Variants in MICU1 observed in about 807,000 individuals in gnomAD.
MICU1 encodes the protein calcium uptake protein 1, mitochondrial.
In MICU1, 45 loss-of-function variants were observed where a neutral mutation model predicts 56.8. The observed-to-expected ratio is 0.79, with a 90% CI of 0.62 to 1.02. The LOEUF is 1.02. Ranked by LOEUF, MICU1 falls within the 50% of genes least tolerant of loss-of-function variation. The pLI, the probability that MICU1 is intolerant of heterozygous loss-of-function variation, is 0.00. For synonymous variants in MICU1, 186 were observed against 195.1 expected, an observed-to-expected ratio of 0.95 and a Z score of 0.39; for missense variants, 504 against 587.1, an observed-to-expected ratio of 0.86 and a Z score of 1.46.
chr10:72,600,648 C>CAAAA lies in MICU1; in HGVS notation c.-2+25358_-2+25361dup, dbSNP rs71021514. Among the ~76,000 whole-genome samples the CAAAA allele has an allele frequency of 2.5e-4, 26 of 105,598 alleles. 2 individuals carry two copies. The highest frequency in any genetic ancestry group is 9.2e-4 in the African/African-American group (26 of 28,218). 69.3% of individuals were successfully genotyped at this position (105,598 alleles called of 152,430 possible). A position where few individuals can be genotyped will look rare whatever the true frequency, so the allele number is the denominator to read the frequency against. ...TGGGTGACAGAGAGAGACTCCGTCT[C>CAAAA]AAAAAAAAAAAAAAAAAAGAAAAAG... On this transcript the variant is annotated intron_variant, in intron 1 of 11. Coordinates refer to ENST00000361114, the MANE Select transcript of MICU1 (RefSeq NM_001195518.2).
chr10:72,378,999 GAT>G lies in MICU1; in HGVS notation c.1181-3129_1181-3128del, dbSNP rs533178099. Among the ~76,000 whole-genome samples the G allele has an allele frequency of 5.4e-4, 82 of 152,294 alleles. 1 individual carries two copies. In the Middle Eastern group the frequency reaches 0.01, roughly 19 times the overall value. ...TTGGTACTAAAAGACTGAAGTATAA[GAT>G]ATTGTGGTGGATATTCATGAGATGT... On this transcript the variant is annotated intron_variant, in intron 10 of 11. Coordinates refer to ENST00000361114, the MANE Select transcript of MICU1 (RefSeq NM_001195518.2).
intron 8 of MICU1, among the ~76,000 whole-genome samples, chr10:72,441,810 G>T (rs1864945275): frequency 6.6e-6 from 1 of 151,726 alleles, no homozygotes; most frequent in Non-Finnish European, 1.5e-5. Context: ...TAGAGATGCG[G>T]TTTCACCATG....
At chr10:72,492,622 G>A (rs1464181859) in intron 6 of MICU1, among the ~76,000 whole-genome samples, 1 of 151,640 alleles carries the variant, frequency 6.6e-6, no homozygotes, top group African/African-American at 2.4e-5. Context: ...AATTAGCTGG[G>A]TGTGGTGGCA....
At chr10:72,588,976 A>G (rs569878302) in intron 1 of MICU1, among the ~76,000 whole-genome samples, 3 of 152,204 alleles carry the variant, frequency 2.0e-5, no homozygotes, top group Non-Finnish European at 1.5e-5. Context: ...CTTCATGTAT[A>G]AAAACAATAA....
Position 72,431,419 on chromosome 10 carries a change from C to T in MICU1, c.934-8048G>A, listed in dbSNP as rs78484884. ...TGCTGGGATAACAGGTGTAAGCCAT[C>T]GTGCCCAGCTTCTACCACTATTTAC... On this transcript the variant is annotated intron_variant, in intron 8 of 11. Transcript: ENST00000361114. Among the ~76,000 whole-genome samples the T allele has an allele frequency of 2.1e-3, 326 of 152,256 alleles. 1 individual carries two copies. Among genetic ancestry groups the T allele is most frequent in the African/African-American group, 6.9e-3 (286 of 41,544 alleles).
chr10:72,534,839 A>C (rs1839582705), intron 4 of MICU1, among the ~76,000 whole-genome samples: 1 of 152,026 alleles, frequency 6.6e-6, no homozygotes, highest in Admixed American at 6.6e-5. Flanking sequence ...ATAATTTAAG[A>C]CACAGAAAGA....
At chr10:72,526,852 A>G (rs1026517805) in intron 5 of MICU1, among the ~76,000 whole-genome samples, 3 of 151,790 alleles carry the variant, frequency 2.0e-5, no homozygotes, top group African/African-American at 4.8e-5. Flanking sequence ...TGTTTGCTCA[A>G]AAAAAAACCT....
chr10:72,499,352 T>C (rs1011992237), intron 6 of MICU1, among the ~76,000 whole-genome samples: 2 of 152,188 alleles, frequency 1.3e-5, no homozygotes, highest in Non-Finnish European at 2.9e-5. Context: ...ACATCATCTA[T>C]AAATAACTTG....
chr10:72,518,766 T>C (rs1203331338), intron 5 of MICU1, among the ~76,000 whole-genome samples: 1 of 152,110 alleles, frequency 6.6e-6, no homozygotes, highest in African/African-American at 2.4e-5. Context: ...CATGGCAAAC[T>C]GCCTCCTGGG....
At chr10:72,543,627 G>A (rs556556774) in intron 4 of MICU1, among the ~76,000 whole-genome samples, 1 of 152,158 alleles carries the variant, frequency 6.6e-6, no homozygotes, top group Admixed American at 6.5e-5. Context: ...AGGCTGAGGT[G>A]GGCAGATCAC....
At chr10:72,392,536 A>ACTTGG (rs1181574504) in intron 10 of MICU1, among the ~76,000 whole-genome samples, 5 of 152,114 alleles carry the variant, frequency 3.3e-5, no homozygotes, top group African/African-American at 1.2e-4. Context: ...GTACCACTGC[A>ACTTGG]CTCCAGTCTG....
At chr10:72,418,647 C>A (rs911695048) in intron 9 of MICU1, among the ~76,000 whole-genome samples, 5 of 152,314 alleles carry the variant, frequency 3.3e-5, no homozygotes, top group Non-Finnish European at 4.4e-5. Flanking sequence ...CCTTCAATCT[C>A]TTAGGTCTTG....
chr10:72,441,237 A>C (rs968136834), intron 8 of MICU1, among the ~76,000 whole-genome samples: 3 of 152,140 alleles, frequency 2.0e-5, no homozygotes, highest in African/African-American at 7.2e-5. Flanking sequence ...GGATGAGTTA[A>C]TGTCCTTTGC....
intron 9 of MICU1, among the ~76,000 whole-genome samples, chr10:72,420,990 G>A (rs1322776792): frequency 6.6e-5 from 7 of 105,878 alleles, no homozygotes; most frequent in African/African-American, 2.6e-4. Context: ...CAACAAGAGC[G>A]AAACTCCGTC....
intron 8 of MICU1, among the ~76,000 whole-genome samples, chr10:72,472,355 G>T (rs1181548123): frequency 1.3e-5 from 2 of 152,138 alleles, no homozygotes; most frequent in Non-Finnish European, 2.9e-5. Flanking sequence ...AATGTCTTTT[G>T]CTTCTATTAT....
At chr10:72,438,057 A>T (rs1864792615) in intron 8 of MICU1, among the ~76,000 whole-genome samples, 1 of 152,204 alleles carries the variant, frequency 6.6e-6, no homozygotes, top group African/African-American at 2.4e-5. Context: ...CCTAATAGAC[A>T]TCTACAGAAC....
At chr10:72,398,213 G>T (rs1395147360) in intron 10 of MICU1, among the ~76,000 whole-genome samples, 1 of 152,130 alleles carries the variant, frequency 6.6e-6, no homozygotes, top group Non-Finnish European at 1.5e-5. Flanking sequence ...CAAAATGAAG[G>T]CAGAAATAAA....
At chr10:72,413,450 A>G (rs1357384320) in intron 9 of MICU1, among the ~76,000 whole-genome samples, 4 of 152,098 alleles carry the variant, frequency 2.6e-5, no homozygotes, top group Non-Finnish European at 5.9e-5. Context: ...ACTTGAATCC[A>G]GGTCGGGCGC....
At chr10:72,547,965 T>C (rs1030383653) in intron 4 of MICU1, among the ~76,000 whole-genome samples, 8 of 152,250 alleles carry the variant, frequency 5.3e-5, no homozygotes, top group African/African-American at 1.9e-4. Context: ...GTAGTCTGTA[T>C]ATCAGAATTG....
Sources: gnomAD v4.1 joint callset for allele counts (sites outside exome capture counted in the v4.1 genomes callset) on GRCh38, gnomAD v4.1.1 for gene constraint, MANE v1.5 for transcripts, NCBI Gene and HGNC (gene_info 2026-07-23, HGNC 2026-07-21) for gene names.